Variants in CHCHD6 observed in about 807,000 individuals in gnomAD.
CHCHD6 encodes the protein coiled-coil-helix-coiled-coil-helix domain containing 6, also known as MICOS complex subunit MIC25.
Under a neutral mutation model 32.3 loss-of-function variants are expected in CHCHD6, and 28 were observed. The observed-to-expected ratio is 0.87, with a 90% confidence interval of 0.64 to 1.19. The LOEUF is 1.19. Ranked by LOEUF, CHCHD6 falls within the 50% of genes most tolerant of loss-of-function variation. The pLI is 0.00. For synonymous variants in CHCHD6, 122 were observed against 117.5 expected (o/e 1.04, Z -0.25); for missense variants, 333 against 307.0 (o/e 1.08, Z -0.63).
chr3:126,926,316 A>G (rs1332175849), intron 6 of CHCHD6, among the ~76,000 whole-genome samples: 1 of 152,200 alleles, frequency 6.6e-6, no homozygotes, highest in Non-Finnish European at 1.5e-5. Flanking sequence ...TGTTTTATTC[A>G]TCTTTGTATC....
intron 5 of CHCHD6, among the ~76,000 whole-genome samples, chr3:126,908,249 C>T (rs967794427): frequency 1.3e-5 from 2 of 152,198 alleles, no homozygotes; most frequent in African/African-American, 2.4e-5. Flanking sequence ...GTTCTCACTG[C>T]GTGGGAAAGG....
At chr3:126,825,821 T>A (rs1940366807) in intron 4 of CHCHD6, among the ~76,000 whole-genome samples, 1 of 152,212 alleles carries the variant, frequency 6.6e-6, no homozygotes, top group Non-Finnish European at 1.5e-5. Flanking sequence ...AACTTGTCTT[T>A]CTCTTCTTTT....
intron 4 of CHCHD6, chr3:126,766,602 G>T: frequency 8.4e-7 from 1 of 1,183,772 alleles, no homozygotes; most frequent in Non-Finnish European, 1.3e-6. Context: ...TGGGCTTGTG[G>T]TCCCTTAGCC....
intron 4 of CHCHD6, among the ~76,000 whole-genome samples, chr3:126,843,370 C>T (rs529191395): frequency 6.6e-6 from 1 of 152,114 alleles, no homozygotes; most frequent in African/African-American, 2.4e-5. Flanking sequence ...ATCATTATAG[C>T]AGCCTCATAA....
At chr3:126,816,916 A>G (rs1284140037) in intron 4 of CHCHD6, among the ~76,000 whole-genome samples, 3 of 151,874 alleles carry the variant, frequency 2.0e-5, no homozygotes, top group Admixed American at 6.6e-5. Flanking sequence ...CCTGTGTCCA[A>G]GTGTTCTCAT....
At chr3:126,925,581 C>T (rs745941) in intron 6 of CHCHD6, among the ~76,000 whole-genome samples, 4 of 151,990 alleles carry the variant, frequency 2.6e-5, no homozygotes, top group Non-Finnish European at 4.4e-5. Flanking sequence ...GACCATGAGC[C>T]GCAGAAGGGC....
chr3:126,800,423 A>C, intron 4 of CHCHD6, among the ~76,000 whole-genome samples: 1 of 152,218 alleles, frequency 6.6e-6, no homozygotes, highest in Admixed American at 6.5e-5. Flanking sequence ...CCTGCAGTGA[A>C]GAATCACAGA....
intron 4 of CHCHD6, among the ~76,000 whole-genome samples, chr3:126,818,047 C>T (rs1305173893): frequency 6.6e-6 from 1 of 152,124 alleles, no homozygotes; most frequent in Non-Finnish European, 1.5e-5. Flanking sequence ...ATGGCCGCAG[C>T]CATGTTGGGA....
chr3:126,815,726 A>G (rs1323939915), intron 4 of CHCHD6, among the ~76,000 whole-genome samples: 1 of 148,176 alleles, frequency 6.7e-6, no homozygotes. Flanking sequence ...TCAGAAACAC[A>G]TAACTGGTCA....
At chr3:126,747,278 C>T (rs1936544110) in intron 4 of CHCHD6, among the ~76,000 whole-genome samples, 1 of 152,150 alleles carries the variant, frequency 6.6e-6, no homozygotes, top group Non-Finnish European at 1.5e-5. Flanking sequence ...TTGCGTGTGA[C>T]TTTGCAGTTA....
intron 1 of CHCHD6, among the ~76,000 whole-genome samples, chr3:126,720,646 A>G (rs907641301): frequency 3.3e-5 from 5 of 152,228 alleles, no homozygotes; most frequent in Non-Finnish European, 2.9e-5. Context: ...TTGGATGCCC[A>G]GATCTTTTTG....
intron 5 of CHCHD6, among the ~76,000 whole-genome samples, chr3:126,870,410 AGGGCTGACTT>A (rs2077449221): frequency 6.6e-6 from 1 of 151,742 alleles, no homozygotes; most frequent in Admixed American, 6.6e-5. Context: ...CGGGGAGCTA[AGGGCTGACTT>A]GGGTTTTTTC....
At chr3:126,738,683 C>T (rs901305613) in intron 4 of CHCHD6, among the ~76,000 whole-genome samples, 1 of 152,184 alleles carries the variant, frequency 6.6e-6, no homozygotes, top group Non-Finnish European at 1.5e-5. Flanking sequence ...TGTTATCTTT[C>T]CCTCGTGATC....
At position 126,862,429 on chromosome 3, in the gene CHCHD6, TCCTCCTCCTCCACCATCACCA is replaced by T. The variant is rs1378179877; in HGVS notation, c.495+9731_495+9751del. On this transcript the variant is annotated intron_variant, in intron 5 of 7. Coordinates refer to ENST00000290913, the MANE Select transcript of CHCHD6 (RefSeq NM_032343.3). ...CACCTCCTCCTCCACCATCACCACC[TCCTCCTCCTCCACCATCACCA>T]CCTCCTCCTCCACCATCACCACCTC... Among the ~76,000 whole-genome samples the T allele has an allele frequency of 3.9e-3, 273 of 69,484 alleles. 5 individuals are homozygous for T. The highest frequency in any genetic ancestry group is 0.012 in the East Asian group (24 of 1,974). 45.6% of individuals were successfully genotyped at this position (69,484 alleles called of 152,430 possible). A position where few individuals can be genotyped will look rare whatever the true frequency, so the allele number is the denominator to read the frequency against.
chr3:126,959,889 G>T (rs1156975341), intron 7 of CHCHD6, among the ~76,000 whole-genome samples: 1 of 152,220 alleles, frequency 6.6e-6, no homozygotes, highest in East Asian at 1.9e-4. Flanking sequence ...CAGAAACACC[G>T]CAGCAGGTTG....
At chr3:126,812,509 C>T (rs554956030) in intron 4 of CHCHD6, among the ~76,000 whole-genome samples, 1 of 151,964 alleles carries the variant, frequency 6.6e-6, no homozygotes, top group East Asian at 1.9e-4. Context: ...CTGCAACCTC[C>T]GCCTCCTGGG....
rs914140808 is a variant in CHCHD6, at chr3:126,872,179, C to T, written c.495+19449C>T. 2.0e-5 allele frequency among the ~76,000 whole-genome samples: 3 copies of T among 152,160 alleles called. 1 individual carries two copies. The stretch of plus-strand genomic sequence containing the variant: ...TGGCATCTATCTACTAGGTAAGGGC[C>T]TGGGATGCAGCTCTCCACCCTACAG... On this transcript the variant is annotated intron_variant, in intron 5 of 7. Transcript: ENST00000290913.
chr3:126,862,251 C>T (rs1450897170), intron 5 of CHCHD6, among the ~76,000 whole-genome samples: 1 of 136,708 alleles, frequency 7.3e-6, no homozygotes, highest in Non-Finnish European at 1.6e-5. Flanking sequence ...CCACCTCCTC[C>T]TCCTCCTCCA....
chr3:126,722,089 G>T (rs570117973), intron 1 of CHCHD6, among the ~76,000 whole-genome samples: 1 of 152,218 alleles, frequency 6.6e-6, no homozygotes, highest in African/African-American at 2.4e-5. Flanking sequence ...ACAATGAGAA[G>T]TGGAATTGCC....
Sources: gnomAD v4.1 joint callset for allele counts (sites outside exome capture counted in the v4.1 genomes callset) on GRCh38, gnomAD v4.1.1 for gene constraint, MANE v1.5 for transcripts, NCBI Gene and HGNC (gene_info 2026-07-23, HGNC 2026-07-21) for gene names.